The following CDKL1 variants were observed in gnomAD, a reference collection of about 807,000 sequenced individuals.
CDKL1 encodes cyclin-dependent kinase-like 1.
In CDKL1, 41 loss-of-function variants were observed where a neutral mutation model predicts 42.0. The ratio of observed to expected loss-of-function variants is 0.98; its 90% CI spans 0.76 to 1.27. The LOEUF is 1.27. Ranked by LOEUF, CDKL1 falls within the 50% of genes most tolerant of loss-of-function variation. The pLI is 0.00. For missense variants in CDKL1, 394 were observed against 428.4 expected (o/e 0.92, Z 0.71); for synonymous variants, 153 against 158.6 (o/e 0.96, Z 0.26).
At chr14:50,371,201 A>G (rs998014943) in intron 2 of CDKL1, among the ~76,000 whole-genome samples, 3 of 152,224 alleles carry the variant, frequency 2.0e-5, no homozygotes, top group Non-Finnish European at 2.9e-5. Flanking sequence ...TGTGAACAGT[A>G]TTGCAATGAA....
chr14:50,332,628 A>G, intron 8 of CDKL1, 196 bp from the exon 9 acceptor site: 1 of 1,514,376 alleles, frequency 6.6e-7, no homozygotes. Context: ...AATAGTTTCT[A>G]GAAGTAGTAA....
chr14:50,385,749 A>T (rs1012052186), intron 2 of CDKL1, among the ~76,000 whole-genome samples: 5 of 138,484 alleles, frequency 3.6e-5, no homozygotes, highest in African/African-American at 1.4e-4. Flanking sequence ...GGTTGCAGTG[A>T]GTTGAGATTG....
At chr14:50,332,531 A>G (rs187813838) in intron 8 of CDKL1, 99 bp from the exon 9 acceptor site, 30 of 1,507,268 alleles carry the variant, frequency 2.0e-5, no homozygotes, top group Middle Eastern at 1.8e-4. Context: ...TTCAGTTGCA[A>G]TAAGAAGGGG....
rs549918353 is a variant in CDKL1 at position 50,355,480 on chromosome 14, C to T, written c.290+3548G>A. The stretch of plus-strand genomic sequence containing the variant: ...CTTTAGAAATTTTAAATCAAAGTAA[C>T]CTTTAAATTGAAAATCCAAACCTTG... On this transcript the variant is annotated intron_variant, in intron 3 of 9. Transcript: ENST00000395834. Among the ~76,000 whole-genome samples the T allele has an allele frequency of 7.2e-5, 11 of 152,276 alleles. No individual in the cohort carries two copies. The South Asian group carries it at 1.5e-3, about 20-fold the overall frequency.
intron 3 of CDKL1, among the ~76,000 whole-genome samples, chr14:50,350,649 T>C (rs1400715311): frequency 6.6e-6 from 1 of 152,224 alleles, no homozygotes. Flanking sequence ...GGGCCTGGTC[T>C]GGTGGGCTTT....
intron 6 of CDKL1, 96 bp from the exon 7 acceptor site, chr14:50,339,125 G>T: frequency 1.2e-6 from 1 of 846,004 alleles, no homozygotes; most frequent in Non-Finnish European, 2.0e-6. Flanking sequence ...GTGCCCATAT[G>T]CATGGACACT....
At chr14:50,388,759 C>T (rs1160805994) in intron 2 of CDKL1, among the ~76,000 whole-genome samples, 2 of 152,128 alleles carry the variant, frequency 1.3e-5, no homozygotes, top group African/African-American at 2.4e-5. Context: ...CCAGGAAGCA[C>T]CAGAGCTTGC....
At chr14:50,381,317 C>A (rs1392987468) in intron 2 of CDKL1, among the ~76,000 whole-genome samples, 1 of 152,208 alleles carries the variant, frequency 6.6e-6, no homozygotes, top group Non-Finnish European at 1.5e-5. Flanking sequence ...CCACTGTGAG[C>A]TGGATAATAG....
chr14:50,341,640 G>A (rs1355107794), intron 5 of CDKL1, among the ~76,000 whole-genome samples: 1 of 152,084 alleles, frequency 6.6e-6, no homozygotes, highest in African/African-American at 2.4e-5. Flanking sequence ...ACTTAGCCAG[G>A]TGTGGTGGCT....
chr14:50,372,535 AC>A (rs1466889339), intron 2 of CDKL1, among the ~76,000 whole-genome samples: 2 of 152,148 alleles, frequency 1.3e-5, no homozygotes, highest in African/African-American at 4.8e-5. Flanking sequence ...CTGTGCAGAA[AC>A]TTTTTAGTTT....
At chr14:50,392,489 A>AATAATGATG (rs138572340) in intron 2 of CDKL1, among the ~76,000 whole-genome samples, 7 of 147,260 alleles carry the variant, frequency 4.8e-5, no homozygotes, top group East Asian at 2.0e-4. Flanking sequence ...TAATAATAAT[A>AATAATGATG]ATGAAAGAAC....
intron 2 of CDKL1, among the ~76,000 whole-genome samples, chr14:50,373,695 G>A (rs2034650146): frequency 6.6e-6 from 1 of 152,090 alleles, no homozygotes; most frequent in Non-Finnish European, 1.5e-5. Flanking sequence ...TTGTCATTAG[G>A]AAATTCCAAA....
intron 2 of CDKL1, among the ~76,000 whole-genome samples, chr14:50,392,135 C>A (rs1566614493): frequency 1.3e-5 from 2 of 152,156 alleles, no homozygotes; most frequent in South Asian, 4.1e-4. Context: ...TTTGAACAAT[C>A]TTCTTCACTA....
chr14:50,359,518 C>G (rs1035948818), intron 2 of CDKL1, among the ~76,000 whole-genome samples: 4 of 151,964 alleles, frequency 2.6e-5, no homozygotes, highest in Middle Eastern at 3.2e-3. Flanking sequence ...GTCTAAAAGG[C>G]CCCCTGAAGT....
At chr14:50,372,896 AT>A (rs35841810) in intron 2 of CDKL1, among the ~76,000 whole-genome samples, 13 of 149,550 alleles carry the variant, frequency 8.7e-5, no homozygotes, top group East Asian at 1.9e-4. Context: ...AATGTGTCTA[AT>A]TTTTTTTTTT....
intron 2 of CDKL1, among the ~76,000 whole-genome samples, chr14:50,388,671 C>T (rs2139541280): frequency 6.6e-6 from 1 of 152,284 alleles, no homozygotes; most frequent in Middle Eastern, 3.4e-3. Context: ...CCCAAGAGCC[C>T]TCTGCCCTCC....
chr14:50,385,881 T>TTA (rs2035068738), intron 2 of CDKL1, among the ~76,000 whole-genome samples: 2 of 151,508 alleles, frequency 1.3e-5, no homozygotes, highest in Non-Finnish European at 2.9e-5. Flanking sequence ...CTATACACAT[T>TTA]TATATATATA....
In CDKL1 at chr14:50,355,877, G is replaced by T. The variant is rs185500625; in HGVS notation, c.290+3151C>A. Among the ~76,000 whole-genome samples the T allele has an allele frequency of 1.8e-4, 27 of 152,346 alleles. No individual in the cohort carries two copies. In the East Asian group the frequency reaches 4.6e-3, roughly 26 times the overall value. ...ACCTAGAATGCAAGGAATTTGGTAG[G>T]ATGGGTCATGTATTATGGGCAAACT... On this transcript the variant is annotated intron_variant, in intron 3 of 9. Coordinates refer to ENST00000395834, the MANE Select transcript of CDKL1 (RefSeq NM_004196.7).
chr14:50,380,782 C>T (rs1224891332), intron 2 of CDKL1, among the ~76,000 whole-genome samples: 1 of 147,422 alleles, frequency 6.8e-6, no homozygotes, highest in Non-Finnish European at 1.5e-5. Context: ...GTCCAATGGC[C>T]TGGGGCATGC....
Sources: allele counts gnomAD v4.1 joint callset (sites outside exome capture counted in the v4.1 genomes callset), GRCh38; gene constraint gnomAD v4.1.1; transcripts MANE v1.5; gene names NCBI Gene and HGNC (gene_info 2026-07-23, HGNC 2026-07-21).